The following CD200R1L variants were observed in gnomAD, a reference collection of about 807,000 sequenced individuals.
CD200R1L encodes CD200 receptor 1 like, also known as cell surface glycoprotein CD200 receptor 2.
In CD200R1L, 14 loss-of-function variants were observed where a neutral mutation model predicts 24.8. The ratio of observed to expected loss-of-function variants is 0.56; its 90% CI spans 0.37 to 0.88. The LOEUF (loss-of-function observed/expected upper bound fraction) is 0.88. Among genes scored for constraint, CD200R1L ranks in the 40% least tolerant of loss-of-function variants. The pLI is 0.00. For missense variants in CD200R1L, 299 were observed against 297.8 expected (o/e 1.00, Z -0.03); for synonymous variants, 111 against 109.2 (o/e 1.02, Z -0.11).
chr3:112,817,753 A>AT (rs1295116445), intron 7 of CD200R1L, among the ~76,000 whole-genome samples: 4 of 152,178 alleles, frequency 2.6e-5, no homozygotes, highest in South Asian at 2.1e-4. Flanking sequence ...TTATGCATTC[A>AT]TTTTTTCCCT....
intron 4 of CD200R1L, among the ~76,000 whole-genome samples, chr3:112,828,677 T>C (rs1049668597): frequency 2.6e-5 from 4 of 152,320 alleles, no homozygotes; most frequent in South Asian, 2.1e-4. Flanking sequence ...AGTCGACTCC[T>C]TTCTGTCCAT....
intron 6 of CD200R1L, 115 bp from the exon 7 acceptor site, chr3:112,820,010 A>C (rs1938495864): frequency 1.1e-6 from 1 of 945,730 alleles, no homozygotes; most frequent in African/African-American, 1.7e-5. Context: ...GGACTGTCAT[A>C]ATCATAAAAC....
chr3:112,838,273 A>T (rs1372206806), intron 2 of CD200R1L, among the ~76,000 whole-genome samples: 1 of 152,214 alleles, frequency 6.6e-6, no homozygotes, highest in Admixed American at 6.5e-5. Context: ...ATTATAACAG[A>T]TCAGTCTGTA....
At chr3:112,820,447 TTGAGAG>T (rs1938507433) in intron 6 of CD200R1L, among the ~76,000 whole-genome samples, 1 of 152,150 alleles carries the variant, frequency 6.6e-6, no homozygotes, top group Non-Finnish European at 1.5e-5. Context: ...TTTTTATTTT[TTGAGAG>T]GGAGTCTTGC....
At chr3:112,838,381 T>C (rs535283746) in intron 2 of CD200R1L, among the ~76,000 whole-genome samples, 1 of 151,608 alleles carries the variant, frequency 6.6e-6, no homozygotes, top group South Asian at 2.1e-4. Context: ...ATAGAAATGA[T>C]AGACAACCTC....
intron 2 of CD200R1L, among the ~76,000 whole-genome samples, chr3:112,838,383 G>C (rs1386005155): frequency 6.6e-6 from 1 of 151,284 alleles, no homozygotes; most frequent in Non-Finnish European, 1.5e-5. Flanking sequence ...AGAAATGATA[G>C]ACAACCTCCC....
rs1284820462 is a variant in CD200R1L, at chr3:112,842,475, A to C, written c.-87+3204T>G. Among the ~76,000 whole-genome samples the C allele has an allele frequency of 2.0e-5, 3 of 152,200 alleles. No individual in the cohort carries two copies. In the East Asian group the frequency reaches 5.8e-4, roughly 29 times the overall value. On this transcript the variant is annotated intron_variant, in intron 2 of 7. Coordinates refer to ENST00000488794, the MANE Select transcript of CD200R1L (RefSeq NM_001199215.3). ...ACTGTAAAACATGTGTGTTTGAACA[A>C]TATGAAATCAGTGCACCTTGAAAAA... is the stretch of plus-strand genomic sequence containing the variant.
chr3:112,821,296 C>G (rs1938528860), intron 6 of CD200R1L, among the ~76,000 whole-genome samples: 1 of 152,182 alleles, frequency 6.6e-6, no homozygotes. Flanking sequence ...AAGTCAGACT[C>G]ATACAAATGA....
intron 3 of CD200R1L, among the ~76,000 whole-genome samples, chr3:112,836,668 C>G (rs1244948493): frequency 6.6e-6 from 1 of 152,148 alleles, no homozygotes; most frequent in Non-Finnish European, 1.5e-5. Context: ...TTGTGAGATT[C>G]TTTTTTCTCT....
rs552680866 is a variant in CD200R1L, at chr3:112,816,367, C to T, written c.741-392G>A. On this transcript the variant is annotated intron_variant, in intron 7 of 7. Coordinates refer to ENST00000488794, the MANE Select transcript of CD200R1L (RefSeq NM_001199215.3). The stretch of plus-strand genomic sequence containing the variant: ...GGTTCTCATCCTCCATCTGGATAGG[C>T]CAGGCATGTTCTCATGGAGTAACGA... Among the ~76,000 whole-genome samples, 15 of 152,280 alleles carry T rather than the reference C, an allele frequency of 9.9e-5. No homozygotes were observed. The South Asian group carries it at 3.1e-3, about 32-fold the overall frequency.
chr3:112,823,470 C>A (rs1938588956), intron 6 of CD200R1L, among the ~76,000 whole-genome samples: 1 of 152,122 alleles, frequency 6.6e-6, no homozygotes, highest in South Asian at 2.1e-4. Flanking sequence ...TGTGCTAACT[C>A]CAGGTAGTTA....
chr3:112,843,869 C>A (rs1209070462), intron 2 of CD200R1L, among the ~76,000 whole-genome samples: 2 of 152,062 alleles, frequency 1.3e-5, no homozygotes, highest in Non-Finnish European at 2.9e-5. Context: ...ATCTATCACA[C>A]AAACGGAAAA....
chr3:112,830,440 C>A (rs975971632), intron 3 of CD200R1L, among the ~76,000 whole-genome samples: 1 of 151,462 alleles, frequency 6.6e-6, no homozygotes. Flanking sequence ...ATGGGATCAA[C>A]CCAAAGGGAA....
intron 3 of CD200R1L, among the ~76,000 whole-genome samples, chr3:112,836,871 C>G (rs1351312309): frequency 6.6e-5 from 10 of 152,130 alleles, no homozygotes; most frequent in East Asian, 3.8e-4. Context: ...CTAACTTTGT[C>G]AGGATTTGAT....
intron 1 of CD200R1L, among the ~76,000 whole-genome samples, chr3:112,846,199 G>A (rs1360767064): frequency 6.6e-6 from 1 of 152,178 alleles, no homozygotes; most frequent in African/African-American, 2.4e-5. Context: ...GTTCCAAAGT[G>A]TCCTTTGTTC....
chr3:112,829,089 C>A (rs572101656), intron 4 of CD200R1L, among the ~76,000 whole-genome samples: 1 of 152,184 alleles, frequency 6.6e-6, no homozygotes, highest in Non-Finnish European at 1.5e-5. Context: ...ATTAAATCCA[C>A]GCTCCTTCCA....
At chr3:112,829,602 G>C (rs1025732865) in intron 3 of CD200R1L, 3 of 902,696 alleles carry the variant, frequency 3.3e-6, no homozygotes, top group Non-Finnish European at 4.0e-6. Context: ...AATTGATAAT[G>C]ATTTCTCATT....
At chr3:112,817,439 A>C (rs1034705620) in intron 7 of CD200R1L, among the ~76,000 whole-genome samples, 1 of 152,288 alleles carries the variant, frequency 6.6e-6, no homozygotes, top group Non-Finnish European at 1.5e-5. Context: ...AACCAATGGA[A>C]TGTGAGCAGA....
In CD200R1L at chr3:112,821,338, C is replaced by T. The variant is rs190200610; in HGVS notation, c.617-1443G>A. On this transcript the variant is annotated intron_variant, in intron 6 of 7. Transcript: ENST00000488794. ...AACTTATATGAAAGAAAAATAAAAG[C>T]TCAAGACCCCAATTCACTATGCCAA... is the stretch of plus-strand genomic sequence containing the variant. Among the ~76,000 whole-genome samples the T allele has an allele frequency of 5.3e-4, 81 of 152,190 alleles. 1 individual carries two copies. Among genetic ancestry groups the T allele is most frequent in the African/African-American group, 1.8e-3 (76 of 41,462 alleles).
Sources: gnomAD v4.1 joint callset for allele counts (sites outside exome capture counted in the v4.1 genomes callset) on GRCh38, gnomAD v4.1.1 for gene constraint, MANE v1.5 for transcripts, NCBI Gene and HGNC (gene_info 2026-07-23, HGNC 2026-07-21) for gene names.